Variants in TCF21 observed in about 807,000 individuals in gnomAD.
TCF21 encodes the protein transcription factor 21, also known as capsulin.
A neutral mutation model predicts 13.5 loss-of-function variants in TCF21; 3 were observed. The ratio of observed to expected loss-of-function variants is 0.22; its 90% CI spans 0.10 to 0.57. TCF21 has a LOEUF of 0.57. Among genes scored for constraint, TCF21 ranks in the 20% least tolerant of loss-of-function variants. TCF21 has a pLI of 0.92. For synonymous variants in TCF21, 92 were observed against 101.7 expected (o/e 0.90, Z 0.57); for missense variants, 181 against 238.4 (o/e 0.76, Z 1.59).
At chr6:133,891,353 A>C (rs1308045339) in intron 1 of TCF21, among the ~76,000 whole-genome samples, 1 of 152,178 alleles carries the variant, frequency 6.6e-6, no homozygotes, top group African/African-American at 2.4e-5. Flanking sequence ...CCCGGCTCAG[A>C]CTGCCAAAGC....
In TCF21 at chr6:133,889,603, T is replaced by C. The variant is rs1205881461; in HGVS notation, c.206T>C (p.Leu69Pro). The change falls in exon 1 of 2, where the codon CTG (leucine) becomes CCG (proline). Residue 69 changes from leucine (L) to proline (P), a missense_variant. Around this residue, in one of 3 missense-constraint regions of TCF21, gnomAD observed 91 missense variants for 98.5 expected, o/e 0.92. Coordinates refer to ENST00000367882, the MANE Select transcript of TCF21 (RefSeq NM_003206.4). This position sits in a 1 kb window ranked among gnomAD's most constrained non-coding sequence, Gnocchi z 5.1. ...RRKAPTKKSP[L>P]SGVSQEGKQV... ...AAGGCGCCCACCAAGAAGAGCCCCC[T>C]GAGCGGGGTCAGCCAGGAGGGGAAG... The C allele has an allele frequency of 1.1e-5, 18 of 1,610,290 alleles. No homozygotes were observed. The highest frequency in any genetic ancestry group is 1.4e-5 in the Non-Finnish European group (17 of 1,179,396).
rs1775226036 is a variant in TCF21 at position 133,891,913 on chromosome 6, C to T, written c.*111C>T. On this transcript the variant is annotated 3_prime_UTR_variant, in exon 2 of 2. Coordinates refer to ENST00000367882, the MANE Select transcript of TCF21 (RefSeq NM_003206.4). ...TCTGCTTCCCCCTCGCAATGCTCCTCTCTCTGTCCCACCCCGCGAGAACAC... is the reference window on the plus strand; with the variant it reads ...TCTGCTTCCCCCTCGCAATGCTCCTTTCTCTGTCCCACCCCGCGAGAACAC... The T allele has an allele frequency of 2.7e-6, 3 of 1,100,760 alleles. No homozygotes were observed. In the South Asian group the frequency reaches 4.2e-5, roughly 15 times the overall value. The allele number at this position is 1,100,760 out of a possible 1,614,324, so 68.2% of individuals were successfully genotyped here.
Position 133,889,119 on chromosome 6 carries a change from C to A in TCF21, c.-279C>A. 1 of 524,306 alleles carries A rather than the reference C, an allele frequency of 1.9e-6. No individual in the cohort carries two copies. The highest frequency in any genetic ancestry group is 3.4e-6 in the Non-Finnish European group (1 of 290,052). 32.5% of individuals were successfully genotyped at this position (524,306 alleles called of 1,614,324 possible). On this transcript the variant is annotated 5_prime_UTR_variant, in exon 1 of 2. Coordinates refer to ENST00000367882, the MANE Select transcript of TCF21 (RefSeq NM_003206.4). The surrounding 1 kb of genome is among the most constrained non-coding windows in gnomAD (Gnocchi z 5.1). ...AGTGTCCACCAAATTCCTCAGCGCT[C>A]GCTCACCCTCCTCTACGGCCACGAC...
Position 133,892,144 on chromosome 6 carries a change from T to C in TCF21, c.*342T>C, listed in dbSNP as rs559140569. On this transcript the variant is annotated 3_prime_UTR_variant, in exon 2 of 2. Transcript: ENST00000367882. The stretch of plus-strand genomic sequence containing the variant: ...ACAATATGTTGTAAAATGTAGATCA[T>C]AGGATAGCTGACTTTGACAGTCACA... The C allele has an allele frequency of 5.6e-6, 1 of 177,786 alleles. No individual in the cohort carries two copies. The highest frequency in any genetic ancestry group is 2.3e-5 in the African/African-American group (1 of 42,600). 11.0% of individuals were successfully genotyped at this position (177,786 alleles called of 1,614,324 possible).
Position 133,889,431 on chromosome 6 carries a change from C to A in TCF21, c.34C>A (p.Leu12Ile). The A allele has an allele frequency of 6.2e-7, 1 of 1,614,122 alleles. No homozygotes were observed. The highest frequency in any genetic ancestry group is 1.1e-5 in the South Asian group (1 of 91,070). The change falls in exon 1 of 2, where the codon CTT (leucine) becomes ATT (isoleucine). Residue 12 changes from leucine to isoleucine, a missense_variant. Physicochemically the swap from Leu to Ile is conservative, Grantham distance 5. Transcript: ENST00000367882. The surrounding 1 kb of genome is among the most constrained non-coding windows in gnomAD (Gnocchi z 5.1). Reference sequence around the variant, plus strand: ...CGGCTCCCTCAGCGATGTGGAGGACCTTCAAGAGGTGGAGATGTTGGAATG... The same window carrying A: ...CGGCTCCCTCAGCGATGTGGAGGACATTCAAGAGGTGGAGATGTTGGAATG... ...STGSLSDVED[L>I]QEVEMLECDG...
chr6:133,894,232 C>T (rs1345910980), downstream of TCF21: 4 of 152,118 alleles, frequency 2.6e-5, no homozygotes, highest in Admixed American at 6.5e-5. Flanking sequence ...TATCTATTGA[C>T]TCTTTCTCTC....
At chr6:133,891,631 C>A (rs1052313504) in intron 1 of TCF21, 82 bp from the exon 2 acceptor site, 5 of 1,215,068 alleles carry the variant, frequency 4.1e-6, no homozygotes, top group Admixed American at 4.1e-5. Flanking sequence ...CACCGCCCCC[C>A]TTCCTTTCAT....
Position 133,889,945 on chromosome 6 carries a change from C to A in TCF21, c.450+98C>A. ...GCGGGGCTGGGAGTGGGGGTGTGGG[C>A]GCGGCGGTGACTTACACATCTCGAC... On this transcript the variant is annotated intron_variant, in intron 1 of 1. Transcript: ENST00000367882. The surrounding 1 kb of genome is among the most constrained non-coding windows in gnomAD (Gnocchi z 5.1). 5 of 1,398,074 alleles carry A rather than the reference C, an allele frequency of 3.6e-6. No homozygotes were observed. Among genetic ancestry groups the A allele is most frequent in the Non-Finnish European group, 5.0e-6 (5 of 995,144 alleles). 86.6% of individuals were successfully genotyped at this position (1,398,074 alleles called of 1,614,324 possible).
intron 1 of TCF21, among the ~76,000 whole-genome samples, chr6:133,890,150 A>G (rs1049671594): frequency 1.3e-5 from 2 of 152,246 alleles, no homozygotes; most frequent in South Asian, 4.1e-4. Context: ...CTCCCGCTCC[A>G]TCGCCATCCT....
chr6:133,893,549 G>C (rs1443108232), downstream of TCF21: 1 of 152,154 alleles, frequency 6.6e-6, no homozygotes, highest in Non-Finnish European at 1.5e-5. Context: ...TTCTACCAGA[G>C]GGATAGAGCC....
At chr6:133,891,015 A>C (rs1775207337) in intron 1 of TCF21, among the ~76,000 whole-genome samples, 1 of 152,246 alleles carries the variant, frequency 6.6e-6, no homozygotes, top group South Asian at 2.1e-4. Flanking sequence ...ATCTTTGAAT[A>C]AGAAACTTAA....
Position 133,890,539 on chromosome 6 carries a change from T to C in TCF21, c.450+692T>C, listed in dbSNP as rs543909299. 4.2e-4 allele frequency among the ~76,000 whole-genome samples: 64 copies of C among 152,370 alleles called. No homozygotes were observed. The South Asian group carries it at 4.3e-3, about 10-fold the overall frequency. ...CACCCAAGATTTAAGAAATGTTACC[T>C]TTTATCTTAAAAAGTAATGCCCATT... On this transcript the variant is annotated intron_variant, in intron 1 of 1. Transcript: ENST00000367882.
Position 133,889,634 on chromosome 6 carries a change from C to G in TCF21, c.237C>G (p.Val79=). ...GGGTCAGCCAGGAGGGGAAGCAGGT[C>G]CAGCGCAACGCCGCCAACGCGCGAG... ...LSGVSQEGKQ[V]QRNAANARER... is the part of the protein sequence containing the mutation. The change falls in exon 1 of 2, where the codon GTC becomes GTG. Residue 79 remains valine (V), a synonymous_variant. Transcript: ENST00000367882. The surrounding 1 kb of genome is among the most constrained non-coding windows in gnomAD (Gnocchi z 5.1). 6.2e-7 allele frequency: 1 copy of G among 1,613,618 alleles called. No homozygotes were observed.
chr6:133,890,562 A>T (rs1775196164), intron 1 of TCF21, among the ~76,000 whole-genome samples: 1 of 152,238 alleles, frequency 6.6e-6, no homozygotes. Context: ...AGTAATGCCC[A>T]TTGAGCCTAA....
chr6:133,890,216 G>C (rs1775187998), intron 1 of TCF21, among the ~76,000 whole-genome samples: 2 of 152,298 alleles, frequency 1.3e-5, no homozygotes, highest in African/African-American at 2.4e-5. Flanking sequence ...CGCTGCGAGC[G>C]GACAGGCATT....
In TCF21 at chr6:133,889,977, G is replaced by A; in HGVS notation, c.450+130G>A. The A allele has an allele frequency of 9.7e-7, 1 of 1,027,308 alleles. No individual in the cohort carries two copies. Among genetic ancestry groups the A allele is most frequent in the Non-Finnish European group, 1.5e-6 (1 of 677,432 alleles). 63.6% of individuals were successfully genotyped at this position (1,027,308 alleles called of 1,614,324 possible). On this transcript the variant is annotated intron_variant, in intron 1 of 1. Coordinates refer to ENST00000367882, the MANE Select transcript of TCF21 (RefSeq NM_003206.4). The surrounding 1 kb of genome is among the most constrained non-coding windows in gnomAD (Gnocchi z 5.1). ...GTGACTTACACATCTCGACCACCGCGGGCCTAGAGCCTCCAGGGACCGGAG... is the reference window on the plus strand; with the variant it reads ...GTGACTTACACATCTCGACCACCGCAGGCCTAGAGCCTCCAGGGACCGGAG...
At position 133,889,930 on chromosome 6, in the gene TCF21, G is replaced by C; in HGVS notation, c.450+83G>C. 1 of 1,499,120 alleles carries C rather than the reference G, an allele frequency of 6.7e-7. No individual in the cohort carries two copies. Among genetic ancestry groups the C allele is most frequent in the Non-Finnish European group, 9.2e-7 (1 of 1,081,132 alleles). The allele number at this position is 1,499,120 out of a possible 1,614,324, so 92.9% of individuals were successfully genotyped here. On this transcript the variant is annotated intron_variant, in intron 1 of 1. Transcript: ENST00000367882. This position sits in a 1 kb window ranked among gnomAD's most constrained non-coding sequence, Gnocchi z 5.1. ...TGGGCGCGAGTGCGCGCGGGGCTGG[G>C]AGTGGGGGTGTGGGCGCGGCGGTGA...
Position 133,889,508 on chromosome 6 carries a change from C to T in TCF21, c.111C>T (p.Ser37=). 2 of 1,614,108 alleles carry T rather than the reference C, an allele frequency of 1.2e-6. No individual in the cohort carries two copies. Among genetic ancestry groups the T allele is most frequent in the Non-Finnish European group, 1.7e-6 (2 of 1,180,000 alleles). ...SNKEFVTSNE[S]TEESSNCENG... ...AGGAATTTGTGACTTCCAACGAGAG[C>T]ACCGAGGAGAGCTCCAACTGCGAGA... is the stretch of plus-strand genomic sequence containing the variant. The change falls in exon 1 of 2, where the codon AGC becomes AGT. Residue 37 remains serine (S), a synonymous_variant. Coordinates refer to ENST00000367882, the MANE Select transcript of TCF21 (RefSeq NM_003206.4). The surrounding 1 kb of genome is among the most constrained non-coding windows in gnomAD (Gnocchi z 5.1).
In TCF21 at chr6:133,889,956, C is replaced by T. The variant is rs774011848; in HGVS notation, c.450+109C>T. 1 of 1,275,696 alleles carries T rather than the reference C, an allele frequency of 7.8e-7. No homozygotes were observed. Among genetic ancestry groups the T allele is most frequent in the East Asian group, 2.4e-5 (1 of 41,388 alleles). 79.0% of individuals were successfully genotyped at this position (1,275,696 alleles called of 1,614,324 possible). A position where few individuals can be genotyped will look rare whatever the true frequency, so the allele number is the denominator to read the frequency against. Reference sequence around the variant, plus strand: ...AGTGGGGGTGTGGGCGCGGCGGTGACTTACACATCTCGACCACCGCGGGCC... The same window carrying T: ...AGTGGGGGTGTGGGCGCGGCGGTGATTTACACATCTCGACCACCGCGGGCC... On this transcript the variant is annotated intron_variant, in intron 1 of 1. Transcript: ENST00000367882. This position sits in a 1 kb window ranked among gnomAD's most constrained non-coding sequence, Gnocchi z 5.1.
Sources: allele counts gnomAD v4.1 joint callset (sites outside exome capture counted in the v4.1 genomes callset), GRCh38; gene constraint gnomAD v4.1.1; regional missense constraint gnomAD v4.1.1; non-coding constraint Gnocchi (gnomAD v3.1); transcripts MANE v1.5; gene names NCBI Gene and HGNC (gene_info 2026-07-23, HGNC 2026-07-21).